PCNX2: variants seen among roughly 807,000 people sequenced by gnomAD.
PCNX2 encodes pecanex 2, also known as pecanex-like protein 2.
In PCNX2, 168 loss-of-function variants were observed where a neutral mutation model predicts 223.8. The ratio of observed to expected loss-of-function variants is 0.75; its 90% CI spans 0.66 to 0.85. The LOEUF (loss-of-function observed/expected upper bound fraction) is 0.85, where lower values mean the gene tolerates loss of function less well. Among genes scored for constraint, PCNX2 ranks in the 40% least tolerant of loss-of-function variants. The pLI is 0.00. For missense variants in PCNX2, 2,507 were observed against 2,675.5 expected, an observed-to-expected ratio of 0.94 and a Z score of 1.39; for synonymous variants, 1,006 against 1,052.6, an observed-to-expected ratio of 0.96 and a Z score of 0.86.
chr1:233,149,580 CT>C (rs2102797728), intron 19 of PCNX2, among the ~76,000 whole-genome samples: 1 of 152,228 alleles, frequency 6.6e-6, no homozygotes, highest in South Asian at 2.1e-4. Flanking sequence ...TAGACAATTG[CT>C]TTTTTCTGTA....
chr1:233,075,738 CAA>C (rs1491086934), intron 23 of PCNX2, among the ~76,000 whole-genome samples: 14 of 147,832 alleles, frequency 9.5e-5, no homozygotes, highest in African/African-American at 2.5e-4. Flanking sequence ...CACACACACA[CAA>C]CAGAAAAGAA....
At chr1:233,208,377 T>C in intron 13 of PCNX2, 141 bp downstream of exon 13, 2 of 907,670 alleles carry the variant, frequency 2.2e-6, no homozygotes, top group East Asian at 2.7e-5. Context: ...CCAGACAGTC[T>C]TCGGTAGATA....
chr1:233,292,738 A>G (rs73093239), intron 1 of PCNX2, among the ~76,000 whole-genome samples: 8,013 of 152,258 alleles, frequency 0.053, 707 homozygotes, highest in African/African-American at 0.18. Context: ...CATTTGGGGA[A>G]GAGGGCCTTT....
chr1:233,302,648 A>G, the PCNX2 span, among the ~76,000 whole-genome samples: 1 of 150,038 alleles, frequency 6.7e-6, no homozygotes, highest in African/African-American at 2.4e-5. Context: ...CTTCCATCAT[A>G]TATATATATA....
intron 21 of PCNX2, among the ~76,000 whole-genome samples, chr1:233,105,024 G>C (rs1316585558): frequency 6.6e-6 from 1 of 152,114 alleles, no homozygotes; most frequent in Non-Finnish European, 1.5e-5. Context: ...CTGTAGAGGA[G>C]AAGATATTGC....
intron 8 of PCNX2, chr1:233,241,272 T>A (rs958359510): frequency 1.0e-6 from 1 of 985,302 alleles, no homozygotes; most frequent in African/African-American, 1.7e-5. Context: ...ACTGCCATCA[T>A]GTGGCAGCAG....
upstream of PCNX2, among the ~76,000 whole-genome samples, chr1:233,296,466 A>G (rs1401521981): frequency 1.3e-5 from 2 of 152,182 alleles, no homozygotes. Flanking sequence ...AAATCTCTCT[A>G]TGCTGTTTAG....
chr1:233,242,334 AT>A (rs1658819474), intron 8 of PCNX2, among the ~76,000 whole-genome samples: 2 of 152,202 alleles, frequency 1.3e-5, no homozygotes, highest in South Asian at 2.1e-4. Context: ...CATCCTTGAT[AT>A]AAAAATCCCC....
At chr1:233,212,666 G>A (rs1681883752) in intron 12 of PCNX2, among the ~76,000 whole-genome samples, 1 of 152,216 alleles carries the variant, frequency 6.6e-6, no homozygotes, top group Non-Finnish European at 1.5e-5. Flanking sequence ...TGCCCTCAAA[G>A]GCAGTGAAAG....
At chr1:233,241,001 T>C (rs1028108058) in intron 8 of PCNX2, among the ~76,000 whole-genome samples, 3 of 152,176 alleles carry the variant, frequency 2.0e-5, no homozygotes, top group African/African-American at 7.2e-5. Context: ...TCTGCCTCTT[T>C]CCTTGTTTTT....
At chr1:233,260,665 TTTACA>T (rs1399108491) in intron 4 of PCNX2, among the ~76,000 whole-genome samples, 2 of 152,138 alleles carry the variant, frequency 1.3e-5, no homozygotes, top group African/African-American at 4.8e-5. Context: ...CGAATTAAAC[TTTACA>T]TTATTTTCAA....
chr1:233,301,480 C>T, the PCNX2 span, among the ~76,000 whole-genome samples: 1 of 152,070 alleles, frequency 6.6e-6, no homozygotes, highest in Non-Finnish European at 1.5e-5. Context: ...TGACAGGAAA[C>T]GAAAACTTGA....
intron 22 of PCNX2, among the ~76,000 whole-genome samples, chr1:233,091,426 A>C (rs890158048): frequency 6.6e-6 from 1 of 152,038 alleles, no homozygotes; most frequent in African/African-American, 2.4e-5. Context: ...AAGTAGTTTA[A>C]CATAACGTTA....
chr1:233,109,901 G>C (rs1675016466), intron 21 of PCNX2, among the ~76,000 whole-genome samples: 1 of 152,002 alleles, frequency 6.6e-6, no homozygotes, highest in Non-Finnish European at 1.5e-5. Context: ...AATCACCTGA[G>C]GTCTGGAGAA....
intron 21 of PCNX2, among the ~76,000 whole-genome samples, chr1:233,098,594 T>C (rs1329077460): frequency 6.6e-6 from 1 of 152,064 alleles, no homozygotes; most frequent in African/African-American, 2.4e-5. Context: ...TAAAATAGAC[T>C]CCACTGTTCT....
chr1:233,189,699 G>A (rs1004099684), intron 15 of PCNX2, among the ~76,000 whole-genome samples: 1 of 152,156 alleles, frequency 6.6e-6, no homozygotes, highest in Non-Finnish European at 1.5e-5. Context: ...TCCCCCGCAA[G>A]CAGTTGTTAA....
In PCNX2 at chr1:233,228,015, T is replaced by C. The variant is rs142729242; in HGVS notation, c.2359-644A>G. On this transcript the variant is annotated intron_variant, in intron 9 of 33. Coordinates refer to ENST00000258229, the MANE Select transcript of PCNX2 (RefSeq NM_014801.4). The stretch of plus-strand genomic sequence containing the variant: ...AAATTAGTCTTCATTGATTTGTCTA[T>C]CAAATACTTAATGAGGGATTCTTAG... Among the ~76,000 whole-genome samples, 929 of 152,286 alleles carry C rather than the reference T, an allele frequency of 6.1e-3. 8 individuals carry two copies. The highest frequency in any genetic ancestry group is 0.021 in the African/African-American group (858 of 41,550).
intron 19 of PCNX2, among the ~76,000 whole-genome samples, chr1:233,152,353 G>C (rs1180330180): frequency 1.3e-5 from 2 of 152,094 alleles, no homozygotes; most frequent in Non-Finnish European, 2.9e-5. Context: ...TAGTAATTTT[G>C]AATTAAAGAC....
At chr1:233,242,966 T>C (rs1658865112) in intron 8 of PCNX2, among the ~76,000 whole-genome samples, 1 of 152,220 alleles carries the variant, frequency 6.6e-6, no homozygotes, top group Non-Finnish European at 1.5e-5. Flanking sequence ...GTTTCCTCAT[T>C]CTGGTTTCTG....
Sources: allele counts gnomAD v4.1 joint callset (sites outside exome capture counted in the v4.1 genomes callset), GRCh38; gene constraint gnomAD v4.1.1; transcripts MANE v1.5; gene names NCBI Gene and HGNC (gene_info 2026-07-23, HGNC 2026-07-21).